KCNIP3: variants seen among roughly 807,000 people sequenced by gnomAD.
KCNIP3 encodes the protein calsenilin.
Under a neutral mutation model 35.0 loss-of-function variants are expected in KCNIP3, and 28 were observed. The ratio of observed to expected loss-of-function variants is 0.80; its 90% confidence interval spans 0.59 to 1.10. KCNIP3 has a LOEUF of 1.10. Among genes scored for constraint, KCNIP3 ranks in the 50% least tolerant of loss-of-function variants. KCNIP3 has a pLI of 0.00. For synonymous variants in KCNIP3, 134 were observed against 133.8 expected, an observed-to-expected ratio of 1.00 and a Z score of -0.01; for missense variants, 295 against 338.4, an observed-to-expected ratio of 0.87 and a Z score of 1.01.
intron 7 of KCNIP3, 108 bp from the exon 8 acceptor site, chr2:95,383,124 T>TCCCCCCCC: frequency 3.5e-6 from 1 of 289,100 alleles, no homozygotes. Flanking sequence ...CACCCGCCCA[T>TCCCCCCCC]CCACCCACCC....
At chr2:95,346,685 G>T (rs1216906855) in intron 2 of KCNIP3, 1 of 146,778 alleles carries the variant, frequency 6.8e-6, no homozygotes, top group Non-Finnish European at 1.5e-5. Flanking sequence ...GCCGGGCATG[G>T]AGGCGCCGCT....
intron 2 of KCNIP3, among the ~76,000 whole-genome samples, chr2:95,324,004 C>T (rs1013062732): frequency 2.0e-5 from 3 of 152,266 alleles, no homozygotes; most frequent in South Asian, 2.1e-4. Context: ...CCTGATGGGG[C>T]GGGGAGGCAG....
intron 1 of KCNIP3, among the ~76,000 whole-genome samples, chr2:95,308,154 G>A (rs770736090): frequency 6.6e-6 from 1 of 152,168 alleles, no homozygotes. Context: ...CATAGCGTGT[G>A]CACATAGGGA....
chr2:95,364,299 T>C (rs1487609830), intron 2 of KCNIP3, among the ~76,000 whole-genome samples: 1 of 152,206 alleles, frequency 6.6e-6, no homozygotes, highest in East Asian at 1.9e-4. Context: ...TTTCATGTGA[T>C]TTTTCCTCTT....
At chr2:95,312,652 A>T (rs1678351086) in intron 2 of KCNIP3, 1 of 152,194 alleles carries the variant, frequency 6.6e-6, no homozygotes, top group Non-Finnish European at 1.5e-5. Flanking sequence ...GGCAGTGTGG[A>T]GCTCATCACC....
chr2:95,352,367 G>A (rs1679548512), intron 2 of KCNIP3, among the ~76,000 whole-genome samples: 2 of 152,140 alleles, frequency 1.3e-5, no homozygotes, highest in African/African-American at 4.8e-5. Flanking sequence ...CAGGAACACT[G>A]GAGAGCTGTG....
chr2:95,301,199 G>T lies in KCNIP3; in HGVS notation c.15+3746G>T, dbSNP rs115937441. On this transcript the variant is annotated intron_variant, in intron 1 of 8. Coordinates refer to ENST00000295225, the MANE Select transcript of KCNIP3 (RefSeq NM_013434.5). ...GTCTTCCCATCTGGGTCTGAGAGAT[G>T]CTCACAGCATCTGCCAGGCCTTGTG... Among the ~76,000 whole-genome samples the T allele has an allele frequency of 4.8e-3, 726 of 152,350 alleles. 6 individuals carry two copies. The highest frequency in any genetic ancestry group is 0.016 in the African/African-American group (684 of 41,584).
chr2:95,382,406 T>C lies in KCNIP3; in HGVS notation c.585T>C (p.Tyr195=). The part of the protein sequence containing the change: ...EEMLAIMKSI[Y]DMMGRHTYPI... ...TGCTGGCCATCATGAAGTCCATCTATGACATGATGGGCCGCCACACCTACC... is the reference window on the plus strand; with the variant it reads ...TGCTGGCCATCATGAAGTCCATCTACGACATGATGGGCCGCCACACCTACC... Residue 195 remains tyrosine, a synonymous_variant, in exon 7 of 9, where the codon TAT becomes TAC. Transcript: ENST00000295225. This position sits in a 1 kb window ranked among gnomAD's most constrained non-coding sequence, Gnocchi z 4.5. The C allele has an allele frequency of 6.2e-7, 1 of 1,606,470 alleles. No individual in the cohort carries two copies. Among genetic ancestry groups the C allele is most frequent in the South Asian group, 1.1e-5 (1 of 90,266 alleles).
Position 95,378,367 on chromosome 2 carries a change from A to G in KCNIP3, c.447+3159A>G, listed in dbSNP as rs1292429899. The stretch of plus-strand genomic sequence containing the variant: ...AGTCTTGAAATCCTGGCCTCAAGCA[A>G]TTCTCCTGTCTCAGCCTCCCAAAGT... On this transcript the variant is annotated intron_variant, in intron 5 of 8. Coordinates refer to ENST00000295225, the MANE Select transcript of KCNIP3 (RefSeq NM_013434.5). This position sits in a 1 kb window ranked among gnomAD's most constrained non-coding sequence, Gnocchi z 4.0. Among the ~76,000 whole-genome samples, 1 of 151,966 alleles carries G rather than the reference A, an allele frequency of 6.6e-6. No homozygotes were observed.
chr2:95,337,787 G>A (rs1679096211), intron 2 of KCNIP3, among the ~76,000 whole-genome samples: 1 of 152,096 alleles, frequency 6.6e-6, no homozygotes, highest in Non-Finnish European at 1.5e-5. Flanking sequence ...CTCAGTCCAG[G>A]CCACCCTCAT....
At chr2:95,313,846 C>T (rs1678381552) in intron 2 of KCNIP3, 1 of 152,130 alleles carries the variant, frequency 6.6e-6, no homozygotes, top group Non-Finnish European at 1.5e-5. Context: ...GCCTGGCATC[C>T]TGGACCACTC....
intron 2 of KCNIP3, among the ~76,000 whole-genome samples, chr2:95,352,635 CA>C (rs1679556512): frequency 6.6e-6 from 1 of 152,152 alleles, no homozygotes; most frequent in South Asian, 2.1e-4. Flanking sequence ...CCACATTTGC[CA>C]GTGGCCTGTA....
intron 2 of KCNIP3, among the ~76,000 whole-genome samples, chr2:95,314,155 G>A (rs2104215581): frequency 6.6e-6 from 1 of 152,258 alleles, no homozygotes; most frequent in South Asian, 2.1e-4. Context: ...GTGCTCCTGG[G>A]AAAGAGGGGT....
chr2:95,297,418 CA>C lies in KCNIP3; in HGVS notation c.-20del. 1 of 1,512,602 alleles carries C rather than the reference CA, an allele frequency of 6.6e-7. No homozygotes were observed. Among genetic ancestry groups the C allele is most frequent in the Non-Finnish European group, 8.9e-7 (1 of 1,124,916 alleles). The allele number at this position is 1,512,602 out of a possible 1,614,324, so 93.7% of individuals were successfully genotyped here. ...GGCTGTGAAGTGGGGAGGCTGGCAA[CA>C]GTTTTCTTCAGCGCCCAGGATGCAG... On this transcript the variant is annotated 5_prime_UTR_variant, in exon 1 of 9. Transcript: ENST00000295225.
At chr2:95,343,663 T>C (rs879553997) in intron 2 of KCNIP3, among the ~76,000 whole-genome samples, 5 of 152,128 alleles carry the variant, frequency 3.3e-5, no homozygotes, top group Admixed American at 6.5e-5. Context: ...GAACCACCAG[T>C]ACAGCTGTGG....
intron 2 of KCNIP3, among the ~76,000 whole-genome samples, chr2:95,362,726 C>G (rs1679830209): frequency 1.3e-5 from 2 of 152,070 alleles, no homozygotes. Flanking sequence ...ACAGATGAAG[C>G]TTCACTTGCT....
intron 2 of KCNIP3, among the ~76,000 whole-genome samples, chr2:95,334,601 A>C (rs1679012452): frequency 6.6e-6 from 1 of 152,204 alleles, no homozygotes; most frequent in Non-Finnish European, 1.5e-5. Context: ...GTATGAAGAG[A>C]AGAGCTACAG....
At chr2:95,308,403 C>T (rs983623403) in intron 1 of KCNIP3, among the ~76,000 whole-genome samples, 8 of 152,144 alleles carry the variant, frequency 5.3e-5, no homozygotes, top group Non-Finnish European at 1.0e-4. Flanking sequence ...CTGGGGAAGG[C>T]CCAAAAGCCA....
intron 2 of KCNIP3, among the ~76,000 whole-genome samples, chr2:95,324,049 C>G (rs529410762): frequency 1.3e-4 from 20 of 152,352 alleles, no homozygotes; most frequent in African/African-American, 4.3e-4. Flanking sequence ...GAATCCCCAC[C>G]CACGCAGATA....
Sources: allele counts gnomAD v4.1 joint callset (sites outside exome capture counted in the v4.1 genomes callset), GRCh38; gene constraint gnomAD v4.1.1; non-coding constraint Gnocchi (gnomAD v3.1); transcripts MANE v1.5; gene names NCBI Gene and HGNC (gene_info 2026-07-23, HGNC 2026-07-21).